The following ABCA5 variants were observed in gnomAD, a reference collection of about 807,000 sequenced individuals.
ABCA5 encodes ATP binding cassette subfamily A member 5, also known as cholesterol transporter ABCA5.
In ABCA5, 163 loss-of-function variants were observed where a neutral mutation model predicts 206.0. The observed-to-expected ratio is 0.79, with a 90% CI of 0.70 to 0.90. ABCA5 has a LOEUF of 0.90. ABCA5 is among the 40% of genes least tolerant of loss of function. The pLI is 0.00. For missense variants in ABCA5, 1,859 were observed against 1,912.9 expected (o/e 0.97, Z 0.53); for synonymous variants, 609 against 613.8 (o/e 0.99, Z 0.11).
intron 1 of ABCA5, chr17:69,318,873 AGATGGCAACTAGT>A (rs1419291302): frequency 1.4e-6 from 1 of 703,236 alleles, no homozygotes; most frequent in African/African-American, 1.8e-5. Flanking sequence ...TAATGTGTGG[AGATGGCAACTAGT>A]GGGCAACAGA....
chr17:69,280,010 A>G (rs1244042099), intron 18 of ABCA5, among the ~76,000 whole-genome samples: 2 of 152,240 alleles, frequency 1.3e-5, no homozygotes, highest in Non-Finnish European at 1.5e-5. Context: ...AAGCAATAGC[A>G]ACAAAAGACA....
chr17:69,289,677 A>T (rs2075502776), intron 13 of ABCA5, among the ~76,000 whole-genome samples, 185 bp downstream of exon 13: 1 of 152,164 alleles, frequency 6.6e-6, no homozygotes. Flanking sequence ...CAGATGAAAC[A>T]AACTTTTATG....
chr17:69,251,724 T>C, intron 35 of ABCA5, 23 bp downstream of exon 35: 1 of 1,601,644 alleles, frequency 6.2e-7, no homozygotes, highest in Middle Eastern at 1.7e-4. Flanking sequence ...TTCCCCTGAA[T>C]GGCACGCTAT....
At position 69,309,262 on chromosome 17, in the gene ABCA5, C is replaced by T; in HGVS notation, c.469G>A (p.Ala157Thr). The T allele has an allele frequency of 6.4e-7, 1 of 1,553,952 alleles. No individual in the cohort carries two copies. The highest frequency in any genetic ancestry group is 2.3e-5 in the East Asian group (1 of 42,664). The change falls in exon 4 of 39, where the codon GCT becomes ACT. Residue 157 changes from alanine (A) to threonine (T), a missense_variant and splice_region_variant. Coordinates refer to ENST00000392676, the MANE Select transcript of ABCA5 (RefSeq NM_172232.4). ...PVSSIYMDSR[A>T]GCSKSCEAAQ... Reference sequence around the variant, plus strand: ...TCAATGATTATGTAGGGCTATTTACCTCTTGAATCCATATAAATAGAAGAT... The same window carrying T: ...TCAATGATTATGTAGGGCTATTTACTTCTTGAATCCATATAAATAGAAGAT...
chr17:69,252,088 T>C (rs994731223), intron 34 of ABCA5, among the ~76,000 whole-genome samples: 2 of 150,148 alleles, frequency 1.3e-5, no homozygotes, highest in African/African-American at 4.9e-5. Flanking sequence ...CTCGGCTCAC[T>C]GCAAGCTCCA....
At chr17:69,252,011 C>A in intron 34 of ABCA5, 145 bp from the exon 35 acceptor site, 7 of 512,442 alleles carry the variant, frequency 1.4e-5, no homozygotes, top group South Asian at 3.3e-5. Flanking sequence ...TCCTGCCCAA[C>A]TATGATTTTT....
At chr17:69,324,546 T>A (rs897829798) in intron 1 of ABCA5, among the ~76,000 whole-genome samples, 3 of 152,234 alleles carry the variant, frequency 2.0e-5, no homozygotes. Flanking sequence ...TTTTCACAAC[T>A]GTGAGTCATG....
intron 31 of ABCA5, among the ~76,000 whole-genome samples, chr17:69,255,032 C>T (rs1007600654): frequency 6.6e-6 from 1 of 152,018 alleles, no homozygotes; most frequent in East Asian, 1.9e-4. Context: ...AAGGTATAGC[C>T]AAACAAAGAA....
At position 69,264,907 on chromosome 17, in the gene ABCA5, T is replaced by TA. The variant is rs750933166; in HGVS notation, c.3145-3dup. On this transcript the variant is annotated splice_region_variant and splice_polypyrimidine_tract_variant and intron_variant, in intron 23 of 38. Coordinates refer to ENST00000392676, the MANE Select transcript of ABCA5 (RefSeq NM_172232.4). Reference sequence around the variant, plus strand: ...TTTAAGTTGAGTATAAGCTTTGATCTAAAAAAAATGAAAAACAATTTATTA... The same window carrying TA: ...TTTAAGTTGAGTATAAGCTTTGATCTAAAAAAAAATGAAAAACAATTTATTA... 3.7e-5 allele frequency: 55 copies of TA among 1,473,496 alleles called. No homozygotes were observed. Among genetic ancestry groups the TA allele is most frequent in the South Asian group, 1.6e-4 (10 of 64,278 alleles). The allele number at this position is 1,473,496 out of a possible 1,614,324, so 91.3% of individuals were successfully genotyped here. A position where few individuals can be genotyped will look rare whatever the true frequency, so the allele number is the denominator to read the frequency against.
chr17:69,301,021 C>G, intron 9 of ABCA5, 118 bp downstream of exon 9: 1 of 853,020 alleles, frequency 1.2e-6, no homozygotes. Flanking sequence ...AAAGCTTTAA[C>G]AATGAATATG....
At chr17:69,260,245 T>C in intron 27 of ABCA5, 93 bp downstream of exon 27, 2 of 930,508 alleles carry the variant, frequency 2.1e-6, no homozygotes, top group South Asian at 3.8e-5. Flanking sequence ...TTCTTTTTCA[T>C]GCAACAGGAT....
chr17:69,272,745 T>C (rs1193014910), intron 20 of ABCA5, among the ~76,000 whole-genome samples: 1 of 152,206 alleles, frequency 6.6e-6, no homozygotes, highest in African/African-American at 2.4e-5. Flanking sequence ...TTCCATGTTC[T>C]CACTCATTTA....
At chr17:69,288,022 A>G (rs1312156228) in intron 14 of ABCA5, among the ~76,000 whole-genome samples, 1 of 152,174 alleles carries the variant, frequency 6.6e-6, no homozygotes, top group Non-Finnish European at 1.5e-5. Context: ...AACTAAAAAC[A>G]AAACATTAAG....
chr17:69,306,374 C>G (rs1256646015), intron 6 of ABCA5, among the ~76,000 whole-genome samples: 1 of 151,914 alleles, frequency 6.6e-6, no homozygotes. Flanking sequence ...TCTAATGTTC[C>G]AAGATTTCAC....
chr17:69,325,821 T>C (rs911620250), intron 1 of ABCA5: 18 of 152,196 alleles, frequency 1.2e-4, no homozygotes, highest in African/African-American at 4.3e-4. Context: ...GCTGTCTCTT[T>C]AAAAATAAAA....
chr17:69,247,752 G>T lies in ABCA5; in HGVS notation c.4822-108C>A. 3 of 536,706 alleles carry T rather than the reference G, an allele frequency of 5.6e-6. No homozygotes were observed. The South Asian group carries it at 1.0e-4, about 18-fold the overall frequency. The allele number at this position is 536,706 out of a possible 1,614,324, so 33.2% of individuals were successfully genotyped here. On this transcript the variant is annotated intron_variant, in intron 38 of 38. Coordinates refer to ENST00000392676, the MANE Select transcript of ABCA5 (RefSeq NM_172232.4). Reference sequence around the variant, plus strand: ...AGGCTATATCTAGTTATATCAACAAGTATCAAGAGATTTATTAACATTAAC... The same window carrying T: ...AGGCTATATCTAGTTATATCAACAATTATCAAGAGATTTATTAACATTAAC...
chr17:69,303,814 A>ACC (rs1491136222), intron 7 of ABCA5, among the ~76,000 whole-genome samples: 1 of 6,410 alleles, frequency 1.6e-4, no homozygotes, highest in African/African-American at 1.8e-4. Context: ...ATATACATAC[A>ACC]TATATATATA....
rs780858040 is a variant in ABCA5 at position 69,268,106 on chromosome 17, C to T, written c.3031-50G>A. ...AATGGAACTGAGAATCATTTTATATCTTAAGATATATCTTAGGATATATCT... is the reference window on the plus strand; with the variant it reads ...AATGGAACTGAGAATCATTTTATATTTTAAGATATATCTTAGGATATATCT... On this transcript the variant is annotated intron_variant, in intron 22 of 38. Coordinates refer to ENST00000392676, the MANE Select transcript of ABCA5 (RefSeq NM_172232.4). The T allele has an allele frequency of 7.1e-6, 6 of 843,204 alleles. No homozygotes were observed. The African/African-American group carries it at 8.7e-5, about 12-fold the overall frequency. The allele number at this position is 843,204 out of a possible 1,614,324, so 52.2% of individuals were successfully genotyped here. A position where few individuals can be genotyped will look rare whatever the true frequency, so the allele number is the denominator to read the frequency against.
intron 11 of ABCA5, 108 bp downstream of exon 11, chr17:69,294,547 A>G: frequency 9.9e-7 from 1 of 1,007,360 alleles, no homozygotes; most frequent in Non-Finnish European, 1.5e-6. Flanking sequence ...AAATAAAAGC[A>G]AGACAGAAAA....
Sources: allele counts gnomAD v4.1 joint callset (sites outside exome capture counted in the v4.1 genomes callset), GRCh38; gene constraint gnomAD v4.1.1; transcripts MANE v1.5; gene names NCBI Gene and HGNC (gene_info 2026-07-23, HGNC 2026-07-21).